Variants in FBXL17 observed in about 807,000 individuals in gnomAD.
FBXL17 encodes F-box and leucine rich repeat protein 17.
Under a neutral mutation model 66.2 loss-of-function variants are expected in FBXL17, and 22 were observed. The ratio of observed to expected loss-of-function variants is 0.33; its 90% CI spans 0.24 to 0.47. The LOEUF is 0.47. FBXL17 is among the 20% of genes least tolerant of loss of function. FBXL17 has a pLI of 1.00. For missense variants in FBXL17, 878 were observed against 948.2 expected (o/e 0.93, Z 0.97); for synonymous variants, 474 against 400.5 (o/e 1.18, Z -2.19).
intron 6 of FBXL17, among the ~76,000 whole-genome samples, chr5:108,033,091 G>T (rs1746705868): frequency 6.6e-6 from 1 of 152,024 alleles, no homozygotes; most frequent in Non-Finnish European, 1.5e-5. Flanking sequence ...TGATATAATG[G>T]AAAATTTCAA....
intron 7 of FBXL17, among the ~76,000 whole-genome samples, chr5:107,942,632 A>G (rs780019108): frequency 6.6e-6 from 1 of 151,694 alleles, no homozygotes; most frequent in Non-Finnish European, 1.5e-5. Flanking sequence ...TATGCAGCCA[A>G]CCTCTTCACC....
intron 4 of FBXL17, among the ~76,000 whole-genome samples, chr5:108,330,704 T>TCATCATCACAGGTACACACA (rs1760080310): frequency 6.6e-6 from 1 of 151,964 alleles, no homozygotes; most frequent in Admixed American, 6.6e-5. Flanking sequence ...CACATACACA[T>TCATCATCACAGGTACACACA]CATCATCACA....
chr5:108,226,531 C>T (rs1755107848), intron 4 of FBXL17, among the ~76,000 whole-genome samples: 2 of 152,244 alleles, frequency 1.3e-5, no homozygotes, highest in South Asian at 4.1e-4. Context: ...CACATTTTTA[C>T]ACCAGTGACT....
At chr5:108,262,253 A>G (rs962781729) in intron 4 of FBXL17, among the ~76,000 whole-genome samples, 1 of 151,344 alleles carries the variant, frequency 6.6e-6, no homozygotes, top group African/African-American at 2.4e-5. Flanking sequence ...ATTTTTTTGT[A>G]TTTTTAGTAG....
intron 6 of FBXL17, among the ~76,000 whole-genome samples, chr5:108,141,871 C>T (rs1425882853): frequency 1.3e-5 from 2 of 152,210 alleles, no homozygotes; most frequent in African/African-American, 4.8e-5. Flanking sequence ...GTAAACCTCA[C>T]ACCTCTGTGA....
chr5:108,373,304 A>C (rs1749178030), intron 1 of FBXL17, among the ~76,000 whole-genome samples: 1 of 144,538 alleles, frequency 6.9e-6, no homozygotes, highest in Admixed American at 7.0e-5. Flanking sequence ...TATAATATAT[A>C]TCTAAATATA....
Position 108,048,202 on chromosome 5 carries a change from C to A in FBXL17, c.1746-27201G>T, listed in dbSNP as rs536204434. Among the ~76,000 whole-genome samples, 5 of 152,266 alleles carry A rather than the reference C, an allele frequency of 3.3e-5. No individual in the cohort carries two copies. In the South Asian group the frequency reaches 1.0e-3, roughly 32 times the overall value. ...CCCCCAACAAACTGAAGCAGCCCTA[C>A]AGGAGAGGGACCTGACCATTGAAAG... is the stretch of plus-strand genomic sequence containing the variant. On this transcript the variant is annotated intron_variant, in intron 6 of 8. Coordinates refer to ENST00000542267, the MANE Select transcript of FBXL17 (RefSeq NM_001163315.3).
intron 7 of FBXL17, among the ~76,000 whole-genome samples, chr5:107,959,741 T>C (rs1751820443): frequency 6.6e-6 from 1 of 152,188 alleles, no homozygotes; most frequent in African/African-American, 2.4e-5. Context: ...CAACCTGGCC[T>C]TGATTGACAC....
At chr5:108,245,192 A>G (rs1283951885) in intron 4 of FBXL17, among the ~76,000 whole-genome samples, 1 of 152,186 alleles carries the variant, frequency 6.6e-6, no homozygotes, top group Non-Finnish European at 1.5e-5. Context: ...TATAATATGC[A>G]AAAAGAAAAT....
At chr5:108,036,364 T>C (rs1746839974) in intron 6 of FBXL17, among the ~76,000 whole-genome samples, 1 of 152,116 alleles carries the variant, frequency 6.6e-6, no homozygotes, top group African/African-American at 2.4e-5. Context: ...CGTGGCTGAG[T>C]CAGGGTGTCA....
chr5:108,331,273 T>C (rs1474526715), intron 4 of FBXL17, among the ~76,000 whole-genome samples: 1 of 152,212 alleles, frequency 6.6e-6, no homozygotes, highest in African/African-American at 2.4e-5. Flanking sequence ...TGCATTAGTA[T>C]GAAGGCAGAT....
chr5:108,316,612 T>G (rs914900496), intron 4 of FBXL17, among the ~76,000 whole-genome samples: 2 of 151,292 alleles, frequency 1.3e-5, no homozygotes, highest in Non-Finnish European at 3.0e-5. Context: ...AAGACAAAAC[T>G]TATTTCCTTT....
intron 6 of FBXL17, among the ~76,000 whole-genome samples, chr5:108,073,808 T>C (rs1748437138): frequency 6.6e-6 from 1 of 152,148 alleles, no homozygotes; most frequent in Non-Finnish European, 1.5e-5. Flanking sequence ...CACCATGTGA[T>C]AAACTGGCTC....
intron 7 of FBXL17, among the ~76,000 whole-genome samples, chr5:107,973,718 A>C (rs1473325531): frequency 2.6e-5 from 4 of 152,066 alleles, no homozygotes; most frequent in African/African-American, 9.7e-5. Context: ...TATGCCTTTA[A>C]TTCCGTCACC....
intron 7 of FBXL17, among the ~76,000 whole-genome samples, chr5:107,967,558 C>T (rs376466932): frequency 3.3e-5 from 5 of 150,436 alleles, no homozygotes; most frequent in African/African-American, 9.8e-5. Context: ...GGAGGGATAG[C>T]ATTAGGAGAT....
chr5:108,330,264 G>T (rs146094361), intron 4 of FBXL17, among the ~76,000 whole-genome samples: 75 of 152,242 alleles, frequency 4.9e-4, no homozygotes, highest in African/African-American at 1.7e-3. Context: ...AGAAATGACT[G>T]CTATGAACCA....
intron 7 of FBXL17, among the ~76,000 whole-genome samples, chr5:107,983,016 T>C (rs541567395): frequency 6.6e-6 from 1 of 152,274 alleles, no homozygotes; most frequent in South Asian, 2.1e-4. Context: ...ATTCCTTTTT[T>C]TTTCCCTGGT....
intron 4 of FBXL17, among the ~76,000 whole-genome samples, chr5:108,230,702 T>C (rs576768456): frequency 8.0e-4 from 105 of 130,952 alleles, no homozygotes; most frequent in African/African-American, 3.0e-3. Flanking sequence ...TACCACCTGT[T>C]CCCCAGAAAC....
intron 5 of FBXL17, among the ~76,000 whole-genome samples, chr5:108,210,501 G>A (rs138430500): frequency 0.056 from 8,474 of 152,162 alleles, 803 homozygotes; most frequent in African/African-American, 0.19. Flanking sequence ...AGAGATTCTG[G>A]TATGTTGTGT....
Sources: gnomAD v4.1 joint callset for allele counts (sites outside exome capture counted in the v4.1 genomes callset) on GRCh38, gnomAD v4.1.1 for gene constraint, MANE v1.5 for transcripts, NCBI Gene and HGNC (gene_info 2026-07-23, HGNC 2026-07-21) for gene names.